LRP1B: variants seen among roughly 807,000 people sequenced by gnomAD.
LRP1B encodes LDL receptor related protein 1B.
In LRP1B, 217 loss-of-function variants were observed where a neutral mutation model predicts 556.6. That is an observed-to-expected ratio of 0.39 (90% CI 0.35 to 0.44). LRP1B has a LOEUF of 0.44. Among genes scored for constraint, LRP1B ranks in the 20% least tolerant of loss-of-function variants. LRP1B has a pLI of 1.00. For synonymous variants in LRP1B, 2,047 were observed against 1,865.8 expected (o/e 1.10, Z -2.50); for missense variants, 5,053 against 5,620.8 (o/e 0.90, Z 3.23).
intron 47 of LRP1B, among the ~76,000 whole-genome samples, chr2:140,531,021 A>T (rs988535377): frequency 2.6e-5 from 4 of 152,154 alleles, no homozygotes; most frequent in Non-Finnish European, 4.4e-5. Context: ...TCAACCAGCC[A>T]CATAAGAATT....
At chr2:141,631,561 G>T (rs1243000400) in intron 2 of LRP1B, among the ~76,000 whole-genome samples, 5 of 149,582 alleles carry the variant, frequency 3.3e-5, no homozygotes, top group African/African-American at 7.4e-5. Flanking sequence ...AAAAAAAAGG[G>T]GAAATTCACA....
intron 81 of LRP1B, among the ~76,000 whole-genome samples, chr2:140,323,553 T>G (rs1680277197): frequency 6.6e-6 from 1 of 151,788 alleles, no homozygotes; most frequent in Non-Finnish European, 1.5e-5. Context: ...TGTATACATA[T>G]GTAACAAACC....
intron 1 of LRP1B, among the ~76,000 whole-genome samples, chr2:141,993,660 G>A (rs927302821): frequency 6.6e-6 from 1 of 152,076 alleles, no homozygotes; most frequent in African/African-American, 2.4e-5. Context: ...AGTCTACAAA[G>A]TGTCTTTGGC....
At chr2:142,020,733 G>A (rs1044402060) in intron 1 of LRP1B, among the ~76,000 whole-genome samples, 3 of 152,006 alleles carry the variant, frequency 2.0e-5, no homozygotes, top group African/African-American at 7.2e-5. Context: ...ATAAAAAAAA[G>A]CCTTCCCAGT....
chr2:141,008,327 G>A (rs1260939744), intron 14 of LRP1B, among the ~76,000 whole-genome samples: 1 of 150,794 alleles, frequency 6.6e-6, no homozygotes, highest in Non-Finnish European at 1.5e-5. Context: ...TTTGCAAGTA[G>A]GAATACTGAA....
At chr2:141,490,343 G>A (rs1163568480) in intron 2 of LRP1B, among the ~76,000 whole-genome samples, 1 of 138,300 alleles carries the variant, frequency 7.2e-6, no homozygotes. Flanking sequence ...GATCACGTCA[G>A]AAAATATTGT....
At chr2:141,782,854 G>A (rs894339814) in intron 2 of LRP1B, among the ~76,000 whole-genome samples, 1 of 151,896 alleles carries the variant, frequency 6.6e-6, no homozygotes, top group South Asian at 2.1e-4. Flanking sequence ...TCTGTGTAAG[G>A]CACTGTGTTA....
chr2:140,748,591 G>GTATATATATATATA (rs70988428), intron 35 of LRP1B, among the ~76,000 whole-genome samples: 4 of 73,332 alleles, frequency 5.5e-5, no homozygotes, highest in East Asian at 5.8e-4. Context: ...TATACAGTGT[G>GTATATATATATATA]TATATATATA....
chr2:140,364,219 G>T (rs191015393), intron 72 of LRP1B, among the ~76,000 whole-genome samples: 7 of 151,680 alleles, frequency 4.6e-5, no homozygotes, highest in Admixed American at 2.0e-4. Flanking sequence ...ACAGATAGAT[G>T]ATTGATAGAT....
chr2:140,710,099 A>T (rs960557474), intron 37 of LRP1B, among the ~76,000 whole-genome samples: 2 of 152,124 alleles, frequency 1.3e-5, no homozygotes, highest in Non-Finnish European at 2.9e-5. Context: ...TATGTCAAAG[A>T]TTTCTTGTTT....
At chr2:141,397,113 CAAAAAAA>C (rs5834824) in intron 3 of LRP1B, among the ~76,000 whole-genome samples, 5 of 41,958 alleles carry the variant, frequency 1.2e-4, no homozygotes, top group South Asian at 1.3e-3. Flanking sequence ...AACTTTGTCT[CAAAAAAA>C]AAAAAAAAAA....
intron 2 of LRP1B, among the ~76,000 whole-genome samples, chr2:141,631,938 C>CA (rs1688928006): frequency 1.3e-5 from 2 of 151,982 alleles, no homozygotes; most frequent in South Asian, 4.2e-4. Context: ...GACAGGGTTT[C>CA]AGTCTGTAAC....
intron 75 of LRP1B, among the ~76,000 whole-genome samples, chr2:140,355,257 A>G (rs1482599933): frequency 6.6e-6 from 1 of 151,916 alleles, no homozygotes; most frequent in Admixed American, 6.6e-5. Flanking sequence ...TATTGAAATT[A>G]AAATATTGAA....
At chr2:141,238,170 C>T (rs1022755405) in intron 5 of LRP1B, among the ~76,000 whole-genome samples, 4 of 152,098 alleles carry the variant, frequency 2.6e-5, no homozygotes, top group African/African-American at 9.7e-5. Flanking sequence ...CAGTGATGGT[C>T]AGTTTATATT....
At chr2:141,079,751 G>A (rs1398559448) in intron 7 of LRP1B, among the ~76,000 whole-genome samples, 1 of 152,164 alleles carries the variant, frequency 6.6e-6, no homozygotes, top group African/African-American at 2.4e-5. Context: ...ATTTTATGAA[G>A]ACTATGTAAA....
At chr2:140,630,498 G>A (rs1683839468) in intron 41 of LRP1B, among the ~76,000 whole-genome samples, 3 of 152,180 alleles carry the variant, frequency 2.0e-5, no homozygotes, top group Admixed American at 2.0e-4. Context: ...AACCATCATA[G>A]CTACAAATGG....
chr2:141,570,917 G>A (rs1189539710), intron 2 of LRP1B, among the ~76,000 whole-genome samples: 2 of 150,712 alleles, frequency 1.3e-5, no homozygotes, highest in Non-Finnish European at 3.0e-5. Context: ...CTGGGCCTGA[G>A]CCCCAAGGGG....
chr2:141,026,333 A>G (rs958693280), intron 11 of LRP1B, among the ~76,000 whole-genome samples: 2 of 152,072 alleles, frequency 1.3e-5, no homozygotes, highest in African/African-American at 4.8e-5. Context: ...ATGTTTTTGC[A>G]CTTGGTCCCT....
chr2:141,055,164 G>T lies in LRP1B; in HGVS notation c.1504C>A (p.Arg502Ser). The change falls in exon 10 of 91, where the codon CGC becomes AGC. Residue 502 changes from arginine to serine, a missense_variant. Arg to Ser is a moderately radical substitution (Grantham distance 110). Coordinates refer to ENST00000389484, the MANE Select transcript of LRP1B (RefSeq NM_018557.3). ...CCCAAGTTGAAGCCAGTCCTGCAGC[G>T]ACAAGTCCGAGTTTTGTAACTGCTG... ...LSSSYKTRTCRCRTGFNLGSD... is the reference protein window; with the variant it reads ...LSSSYKTRTCSCRTGFNLGSD... 6.2e-7 allele frequency: 1 copy of T among 1,612,336 alleles called. No individual in the cohort carries two copies. The highest frequency in any genetic ancestry group is 8.5e-7 in the Non-Finnish European group (1 of 1,179,034).
Sources: allele counts gnomAD v4.1 joint callset (sites outside exome capture counted in the v4.1 genomes callset), GRCh38; gene constraint gnomAD v4.1.1; transcripts MANE v1.5; gene names NCBI Gene and HGNC (gene_info 2026-07-23, HGNC 2026-07-21).